The following LIMCH1 variants were observed in gnomAD, a reference collection of about 807,000 sequenced individuals.
The protein encoded by LIMCH1 is LIM and calponin homology domains-containing protein 1.
LIMCH1 carries 113 observed loss-of-function variants against 176.5 expected under a neutral mutation model. The observed-to-expected ratio is 0.64, with a 90% CI of 0.55 to 0.75. The LOEUF (loss-of-function observed/expected upper bound fraction) is 0.75, where lower values mean the gene tolerates loss of function less well. Among genes scored for constraint, LIMCH1 ranks in the 30% least tolerant of loss-of-function variants. The pLI, the probability that LIMCH1 is intolerant of heterozygous loss-of-function variation, is 0.00. For synonymous variants in LIMCH1, 619 were observed against 645.9 expected, an observed-to-expected ratio of 0.96 and a Z score of 0.63; for missense variants, 1,674 against 1,814.9, an observed-to-expected ratio of 0.92 and a Z score of 1.41.
At chr4:41,572,434 A>C (rs2083707252) in intron 1 of LIMCH1, among the ~76,000 whole-genome samples, 1 of 152,202 alleles carries the variant, frequency 6.6e-6, no homozygotes, top group African/African-American at 2.4e-5. Flanking sequence ...TAAGGAAAGA[A>C]AATATGAGAC....
At chr4:41,688,720 G>T (rs1490473032) in intron 29 of LIMCH1, 1 of 152,276 alleles carries the variant, frequency 6.6e-6, no homozygotes, top group African/African-American at 2.4e-5. Context: ...GTTGCTGAAG[G>T]TGTCCTCAAG....
intron 1 of LIMCH1, among the ~76,000 whole-genome samples, chr4:41,583,016 C>T (rs2085794637): frequency 6.6e-6 from 1 of 152,182 alleles, no homozygotes; most frequent in Non-Finnish European, 1.5e-5. Context: ...AATACGTTTG[C>T]ATTGCTGTGC....
At chr4:41,657,154 C>T (rs938064108) in intron 18 of LIMCH1, among the ~76,000 whole-genome samples, 3 of 152,222 alleles carry the variant, frequency 2.0e-5, no homozygotes, top group African/African-American at 7.2e-5. Flanking sequence ...CCCATGCAAC[C>T]TTTCTGTGCT....
chr4:41,530,459 G>GA (rs1478553838), intron 3 of LIMCH1, among the ~76,000 whole-genome samples: 2 of 152,008 alleles, frequency 1.3e-5, no homozygotes, highest in South Asian at 2.1e-4. Flanking sequence ...GATTACCTTA[G>GA]AAAAAACTGG....
chr4:41,679,051 T>G (rs1050625816), intron 23 of LIMCH1, among the ~76,000 whole-genome samples: 1 of 152,218 alleles, frequency 6.6e-6, no homozygotes, highest in Non-Finnish European at 1.5e-5. Flanking sequence ...AAAGTCCTCC[T>G]GCTCCTAAGA....
chr4:41,548,315 C>T (rs1454201475), intron 1 of LIMCH1, among the ~76,000 whole-genome samples: 2 of 152,094 alleles, frequency 1.3e-5, no homozygotes, highest in Admixed American at 6.6e-5. Context: ...GAACTGAGTA[C>T]TCTGAATAGT....
At chr4:41,625,928 A>G (rs1284031680) in intron 7 of LIMCH1, among the ~76,000 whole-genome samples, 1 of 152,150 alleles carries the variant, frequency 6.6e-6, no homozygotes, top group African/African-American at 2.4e-5. Context: ...TCAGGGGTTC[A>G]AGCAGAAGAT....
Position 41,684,492 on chromosome 4 carries a change from G to A in LIMCH1, c.3941G>A (p.Cys1314Tyr), listed in dbSNP as rs367781558. Residue 1314 changes from cysteine to tyrosine, a missense_variant, in exon 27 of 32, where the codon TGT (cysteine) becomes TAT (tyrosine). This residue lies in a region of LIMCH1 where 1,015 missense variants were observed against 1,102.5 expected (regional missense o/e 0.92). Coordinates refer to ENST00000503057, the MANE Select transcript of LIMCH1 (RefSeq NM_001330672.2). ...QLDTEAGAPH[C>Y]GTNPQLAQDP... ...GATACCGAGGCTGGGGCCCCACACT[G>A]TGGAACAAACCCACAGCTTGCTCAG... 5.0e-6 allele frequency: 8 copies of A among 1,613,488 alleles called. No homozygotes were observed. In the South Asian group the frequency reaches 7.7e-5, roughly 16 times the overall value.
intron 1 of LIMCH1, among the ~76,000 whole-genome samples, chr4:41,400,631 G>A (rs989415098): frequency 3.0e-4 from 45 of 152,228 alleles, no homozygotes; most frequent in African/African-American, 1.1e-3. Flanking sequence ...TTATTATGCG[G>A]TAATGCCAAG....
At chr4:41,361,029 C>T in intron 1 of LIMCH1, 4 of 773,222 alleles carry the variant, frequency 5.2e-6, no homozygotes, top group South Asian at 2.1e-5. Flanking sequence ...TTGCCTCCCC[C>T]CAACCGCCCC....
In LIMCH1 at chr4:41,538,347, G is replaced by A; in HGVS notation, c.-244G>A. ...TTCATTGCGGAGCATGAGGACGTGT[G>A]GGGGTAAGTAAAATTCATTATAAAA... is the stretch of plus-strand genomic sequence containing the variant. On this transcript the variant is annotated 5_prime_UTR_variant, in exon 1 of 32. It introduces an in-frame stop codon into an upstream open reading frame of the 5' UTR. Transcript: ENST00000503057. 1.0e-6 allele frequency: 1 copy of A among 985,242 alleles called. No individual in the cohort carries two copies. The highest frequency in any genetic ancestry group is 1.7e-5 in the African/African-American group (1 of 57,296). 61.0% of individuals were successfully genotyped at this position (985,242 alleles called of 1,614,324 possible).
At chr4:41,493,191 A>G (rs946512485) in intron 1 of LIMCH1, among the ~76,000 whole-genome samples, 3 of 152,120 alleles carry the variant, frequency 2.0e-5, no homozygotes, top group African/African-American at 7.2e-5. Context: ...TATTTAAGGT[A>G]AGTATTGACA....
chr4:41,584,684 G>A (rs1430595635), intron 1 of LIMCH1, among the ~76,000 whole-genome samples: 3 of 151,774 alleles, frequency 2.0e-5, no homozygotes, highest in Non-Finnish European at 2.9e-5. Flanking sequence ...TTTTTTGTTT[G>A]TTTGTTTGTT....
chr4:41,602,864 A>AT (rs935992256), intron 2 of LIMCH1, among the ~76,000 whole-genome samples: 5 of 151,806 alleles, frequency 3.3e-5, no homozygotes, highest in Admixed American at 6.6e-5. Flanking sequence ...AGGACATCCC[A>AT]TTTTTTTTCC....
intron 1 of LIMCH1, among the ~76,000 whole-genome samples, chr4:41,482,114 T>C (rs1163903728): frequency 6.6e-6 from 1 of 152,172 alleles, no homozygotes; most frequent in Admixed American, 6.5e-5. Flanking sequence ...GCGATCTGCC[T>C]GCCTTGGCCT....
intron 2 of LIMCH1, among the ~76,000 whole-genome samples, chr4:41,502,995 G>A (rs1214358376): frequency 1.4e-5 from 1 of 73,008 alleles, no homozygotes; most frequent in Non-Finnish European, 3.0e-5. Flanking sequence ...TGACTGGTCT[G>A]TCTGTCCATC....
intron 7 of LIMCH1, among the ~76,000 whole-genome samples, chr4:41,624,014 C>A (rs1310437061): frequency 1.3e-5 from 2 of 152,036 alleles, no homozygotes; most frequent in African/African-American, 4.8e-5. Context: ...AATTATCCCC[C>A]AAATATGAGA....
chr4:41,612,782 A>C lies in LIMCH1; in HGVS notation c.10-684A>C, dbSNP rs2091587425. On this transcript the variant is annotated intron_variant, in intron 4 of 31. Coordinates refer to ENST00000503057, the MANE Select transcript of LIMCH1 (RefSeq NM_001330672.2). ...CTCCCCCAGCGCCAAGAGCTGGCTG[A>C]GAGCGAGAGCATGCCTGGATTCTTC... 5 of 843,720 alleles carry C rather than the reference A, an allele frequency of 5.9e-6. No individual in the cohort carries two copies. The South Asian group carries it at 9.0e-5, about 15-fold the overall frequency. The allele number at this position is 843,720 out of a possible 1,614,324, so 52.3% of individuals were successfully genotyped here.
At chr4:41,582,134 C>A (rs1294096481) in intron 1 of LIMCH1, among the ~76,000 whole-genome samples, 1 of 152,182 alleles carries the variant, frequency 6.6e-6, no homozygotes, top group Non-Finnish European at 1.5e-5. Context: ...AGTGTGCTAG[C>A]CATAGTGCTA....
Sources: allele counts gnomAD v4.1 joint callset (sites outside exome capture counted in the v4.1 genomes callset), GRCh38; gene constraint gnomAD v4.1.1; regional missense constraint gnomAD v4.1.1; transcripts MANE v1.5; gene names NCBI Gene and HGNC (gene_info 2026-07-23, HGNC 2026-07-21).